SBF2: variants seen among roughly 807,000 people sequenced by gnomAD.
SBF2 encodes the protein SET binding factor 2.
A neutral mutation model predicts 225.2 loss-of-function variants in SBF2; 112 were observed. The ratio of observed to expected loss-of-function variants is 0.50; its 90% CI spans 0.43 to 0.58. The LOEUF is 0.58. Ranked by LOEUF, SBF2 falls within the 20% of genes least tolerant of loss-of-function variation. The pLI is 0.00. For missense variants in SBF2, 1,996 were observed against 2,206.2 expected (o/e 0.90, Z 1.91); for synonymous variants, 763 against 773.3 (o/e 0.99, Z 0.22).
intron 32 of SBF2, among the ~76,000 whole-genome samples, chr11:9,798,439 G>T (rs1853267710): frequency 6.6e-6 from 1 of 152,162 alleles, no homozygotes; most frequent in Admixed American, 6.5e-5. Context: ...AACTAAGGAT[G>T]GAACTTGGTT....
chr11:10,244,366 AAC>A, intron 1 of SBF2, among the ~76,000 whole-genome samples: 1 of 152,294 alleles, frequency 6.6e-6, no homozygotes, highest in East Asian at 1.9e-4. Context: ...ACCATCTGTG[AAC>A]AGACTGTTCT....
chr11:10,146,057 G>C (rs948646461), intron 2 of SBF2, among the ~76,000 whole-genome samples: 7 of 152,072 alleles, frequency 4.6e-5, no homozygotes, highest in African/African-American at 1.7e-4. Context: ...ACAAAACACT[G>C]CTCAAAGAAA....
chr11:9,822,554 C>A (rs1432008602), intron 28 of SBF2, among the ~76,000 whole-genome samples: 2 of 152,190 alleles, frequency 1.3e-5, no homozygotes, highest in African/African-American at 4.8e-5. Flanking sequence ...GCCACCGCAC[C>A]CGGCCACTAA....
chr11:10,172,492 C>T (rs1380756625), intron 2 of SBF2, among the ~76,000 whole-genome samples: 1 of 152,052 alleles, frequency 6.6e-6, no homozygotes, highest in African/African-American at 2.4e-5. Flanking sequence ...GCTGGGATTA[C>T]AGGCACCTGC....
rs148557592 is a variant in SBF2 at position 10,098,541 on chromosome 11, C to G, written c.142-55560G>C. 1.4e-3 allele frequency among the ~76,000 whole-genome samples: 205 copies of G among 149,230 alleles called. 1 individual carries two copies. The highest frequency in any genetic ancestry group is 4.6e-3 in the African/African-American group (188 of 40,694). On this transcript the variant is annotated intron_variant, in intron 2 of 39. Transcript: ENST00000256190. Reference sequence around the variant, plus strand: ...CAAAGTAAATTTCTAGTAACTAACACCAAAGAAATGGAGATCTATGAATTG... The same window carrying G: ...CAAAGTAAATTTCTAGTAACTAACAGCAAAGAAATGGAGATCTATGAATTG...
chr11:10,217,096 A>C (rs1790256515), intron 1 of SBF2, among the ~76,000 whole-genome samples: 2 of 152,212 alleles, frequency 1.3e-5, no homozygotes, highest in South Asian at 4.1e-4. Context: ...ATAGAGGTTT[A>C]ATGTAATAAA....
At chr11:10,065,881 A>G (rs1196212318) in intron 2 of SBF2, among the ~76,000 whole-genome samples, 12 of 152,184 alleles carry the variant, frequency 7.9e-5, no homozygotes, top group Non-Finnish European at 1.5e-5. Flanking sequence ...CAGGGGGTGG[A>G]AGTTGCAGTG....
At chr11:10,233,559 ATCTCTCTC>A (rs144350292) in intron 1 of SBF2, among the ~76,000 whole-genome samples, 1 of 145,334 alleles carries the variant, frequency 6.9e-6, no homozygotes, top group Non-Finnish European at 1.5e-5. Flanking sequence ...ATATATATAT[ATCTCTCTC>A]TCTCAAAGAT....
intron 16 of SBF2, chr11:9,929,053 A>C (rs1424554208): frequency 1.6e-5 from 7 of 441,468 alleles, no homozygotes; most frequent in Non-Finnish European, 4.4e-6. Flanking sequence ...AAGTTTTGCA[A>C]AGGAGAAGAG....
At chr11:10,140,146 G>GTTTTA (rs1429755154) in intron 2 of SBF2, among the ~76,000 whole-genome samples, 2 of 152,118 alleles carry the variant, frequency 1.3e-5, no homozygotes, top group Non-Finnish European at 2.9e-5. Flanking sequence ...ACCATCTTTT[G>GTTTTA]TTTTAATATT....
Position 9,839,682 on chromosome 11 carries a change from C to T in SBF2, c.3271G>A (p.Glu1091Lys). 1.9e-6 allele frequency: 3 copies of T among 1,613,290 alleles called. No individual in the cohort carries two copies. The highest frequency in any genetic ancestry group is 2.2e-5 in the South Asian group (2 of 91,038). The change falls in exon 26 of 40, where the codon GAG becomes AAG. Residue 1091 changes from glutamate (E) to lysine (K), a missense_variant. Transcript: ENST00000256190. ...DDDVSVSDES[E>K]LPTSTTLKAS... is the part of the protein sequence containing the mutation. ...TTCAGGGTGGTACTTGTGGGGAGCT[C>T]ACTCTCATCTGAAACTGTGATGGTA...
chr11:9,845,573 A>G lies in SBF2; in HGVS notation c.3102T>C (p.Thr1034=). The change falls in exon 24 of 40, where the codon ACT becomes ACC. Residue 1034 remains threonine (T), a synonymous_variant. Transcript: ENST00000256190. The stretch of plus-strand genomic sequence containing the variant: ...CTTGTCTTTCTTCTTACCGAAAAGA[A>G]GTGTTCTTTTCCTTCTGTTTTGGTA... ...IILPKQKEKN[T]SFRTFSKTIV... 1.2e-6 allele frequency: 2 copies of G among 1,613,596 alleles called. No individual in the cohort carries two copies. The highest frequency in any genetic ancestry group is 1.1e-5 in the South Asian group (1 of 91,070).
At chr11:10,000,023 A>C (rs949538610) in intron 8 of SBF2, among the ~76,000 whole-genome samples, 1 of 152,210 alleles carries the variant, frequency 6.6e-6, no homozygotes, top group Non-Finnish European at 1.5e-5. Flanking sequence ...AGTGTCACAT[A>C]ATCTTTTCCT....
chr11:9,856,921 G>A (rs55676444), intron 18 of SBF2, among the ~76,000 whole-genome samples: 147 of 151,592 alleles, frequency 9.7e-4, no homozygotes, highest in Non-Finnish European at 1.8e-3. Context: ...CCGAGTAGCT[G>A]GGACTACAGT....
chr11:9,908,401 A>G (rs969945721), intron 16 of SBF2, among the ~76,000 whole-genome samples: 1 of 151,988 alleles, frequency 6.6e-6, no homozygotes, highest in Admixed American at 6.6e-5. Context: ...CGAGGCGGGT[A>G]GATCACGAGG....
chr11:10,067,155 G>C (rs914943162), intron 2 of SBF2, among the ~76,000 whole-genome samples: 1 of 152,110 alleles, frequency 6.6e-6, no homozygotes, highest in Non-Finnish European at 1.5e-5. Flanking sequence ...TATGTCAAAA[G>C]ATGTGAAAGA....
chr11:9,842,714 C>T lies in SBF2; in HGVS notation c.3167G>A (p.Gly1056Glu), dbSNP rs778930864. ...CTTCTTCTTCAGTAAATATTGCCGC[C>T]CAATTGTCATTTTCCCTGCCCTTTT... ...GAKRAGKMTI[G>E]RQYLLKKKTG... The change falls in exon 25 of 40, where the codon GGG (glycine) becomes GAG (glutamate). Residue 1056 changes from glycine to glutamate, a missense_variant. Coordinates refer to ENST00000256190, the MANE Select transcript of SBF2 (RefSeq NM_030962.4). 1 of 1,614,050 alleles carries T rather than the reference C, an allele frequency of 6.2e-7. No homozygotes were observed. Among genetic ancestry groups the T allele is most frequent in the Non-Finnish European group, 8.5e-7 (1 of 1,179,962 alleles).
At chr11:9,985,221 A>G (rs1380715393) in intron 13 of SBF2, among the ~76,000 whole-genome samples, 2 of 152,226 alleles carry the variant, frequency 1.3e-5, no homozygotes, top group Non-Finnish European at 2.9e-5. Context: ...CCTAACATAC[A>G]TAACGACTCA....
intron 29 of SBF2, among the ~76,000 whole-genome samples, chr11:9,815,367 T>C (rs542104849): frequency 1.3e-4 from 19 of 150,258 alleles, no homozygotes; most frequent in South Asian, 8.4e-4. Flanking sequence ...GGGGCAGAAT[T>C]GCTTGAACCT....
Sources: allele counts gnomAD v4.1 joint callset (sites outside exome capture counted in the v4.1 genomes callset), GRCh38; gene constraint gnomAD v4.1.1; transcripts MANE v1.5; gene names NCBI Gene and HGNC (gene_info 2026-07-23, HGNC 2026-07-21).